The following RSRC1 variants were observed in gnomAD, a reference collection of about 807,000 sequenced individuals.
RSRC1 encodes the protein arginine and serine rich coiled-coil 1.
In RSRC1, 39 loss-of-function variants were observed where a neutral mutation model predicts 49.1. The ratio of observed to expected loss-of-function variants is 0.79; its 90% CI spans 0.61 to 1.04. RSRC1 has a LOEUF of 1.04. Among genes scored for constraint, RSRC1 ranks in the 50% least tolerant of loss-of-function variants. RSRC1 has a pLI of 0.00. For synonymous variants in RSRC1, 143 were observed against 130.8 expected (o/e 1.09, Z -0.63); for missense variants, 388 against 402.4 (o/e 0.96, Z 0.31).
At chr3:158,125,519 G>A (rs953948563) in intron 3 of RSRC1, among the ~76,000 whole-genome samples, 2 of 152,076 alleles carry the variant, frequency 1.3e-5, no homozygotes, top group African/African-American at 4.8e-5. Flanking sequence ...CTACATATTT[G>A]TGGATTTTCT....
intron 4 of RSRC1, among the ~76,000 whole-genome samples, chr3:158,220,150 A>G (rs698979): frequency 0.65 from 98,207 of 151,456 alleles, 32,148 homozygotes; most frequent in East Asian, 0.84. Context: ...TAAAACAGAT[A>G]ATGTATTAAG....
At chr3:158,180,845 C>A (rs993953345) in intron 3 of RSRC1, among the ~76,000 whole-genome samples, 1 of 141,186 alleles carries the variant, frequency 7.1e-6, no homozygotes, top group Non-Finnish European at 1.5e-5. Flanking sequence ...CGCGCTGTCA[C>A]CCGGGCTGGA....
chr3:158,354,124 G>C (rs1731032260), intron 5 of RSRC1, among the ~76,000 whole-genome samples: 1 of 149,866 alleles, frequency 6.7e-6, no homozygotes, highest in African/African-American at 2.5e-5. Flanking sequence ...CCAAGTAGCT[G>C]GGACTATAGG....
At chr3:158,344,269 A>T (rs140396360) in intron 5 of RSRC1, among the ~76,000 whole-genome samples, 24 of 152,278 alleles carry the variant, frequency 1.6e-4, no homozygotes, top group African/African-American at 5.8e-4. Context: ...AAAAAAATAA[A>T]AATAAAAAGA....
At chr3:158,223,397 G>A (rs1001589716) in intron 4 of RSRC1, among the ~76,000 whole-genome samples, 4 of 151,592 alleles carry the variant, frequency 2.6e-5, no homozygotes, top group African/African-American at 9.7e-5. Flanking sequence ...CAAAATCAAA[G>A]ATATTATGTA....
At chr3:158,249,557 A>AGT (rs1724091623) in intron 4 of RSRC1, among the ~76,000 whole-genome samples, 1 of 152,224 alleles carries the variant, frequency 6.6e-6, no homozygotes, top group Non-Finnish European at 1.5e-5. Context: ...TGACTATTAC[A>AGT]AAACCAGCTG....
rs1022942295 is a variant in RSRC1, at chr3:158,256,607, C to T, written c.495-41432C>T. ...CATAAAATGAGTTAGGGAGGATTCC[C>T]TCTTTTTCTATTGATTGGAATGGTT... On this transcript the variant is annotated intron_variant, in intron 4 of 9. Coordinates refer to ENST00000611884, the MANE Select transcript of RSRC1 (RefSeq NM_001271838.2). 4.6e-5 allele frequency among the ~76,000 whole-genome samples: 7 copies of T among 152,254 alleles called. No individual in the cohort carries two copies. In the East Asian group the frequency reaches 9.7e-4, roughly 21 times the overall value.
At chr3:158,186,643 T>C (rs948536145) in intron 3 of RSRC1, among the ~76,000 whole-genome samples, 3 of 151,932 alleles carry the variant, frequency 2.0e-5, no homozygotes, top group African/African-American at 7.2e-5. Context: ...TTTCACAGAA[T>C]TTTGGTAACA....
Position 158,289,737 on chromosome 3 carries a change from G to A in RSRC1, c.495-8302G>A, listed in dbSNP as rs573173577. On this transcript the variant is annotated intron_variant, in intron 4 of 9. Coordinates refer to ENST00000611884, the MANE Select transcript of RSRC1 (RefSeq NM_001271838.2). ...AACTGAGAATTTCAGGAAGATCTTT[G>A]TAGATCAGAGTACTGACATTAAGCA... Among the ~76,000 whole-genome samples, 3 of 152,306 alleles carry A rather than the reference G, an allele frequency of 2.0e-5. No individual in the cohort carries two copies. In the South Asian group the frequency reaches 6.2e-4, roughly 32 times the overall value.
intron 6 of RSRC1, among the ~76,000 whole-genome samples, chr3:158,369,810 T>C (rs1466142044): frequency 2.6e-5 from 4 of 152,074 alleles, no homozygotes; most frequent in Non-Finnish European, 5.9e-5. Flanking sequence ...CTAGAATATA[T>C]ATTTTTAGAG....
At chr3:158,280,561 G>GGCA (rs1213599432) in intron 4 of RSRC1, among the ~76,000 whole-genome samples, 1 of 150,988 alleles carries the variant, frequency 6.6e-6, no homozygotes, top group African/African-American at 2.4e-5. Context: ...TTATGTGTGT[G>GGCA]TGTGGTGGGG....
At chr3:158,510,815 A>G (rs1363757362) in intron 7 of RSRC1, among the ~76,000 whole-genome samples, 2 of 151,956 alleles carry the variant, frequency 1.3e-5, no homozygotes, top group Non-Finnish European at 2.9e-5. Flanking sequence ...CCCACACTTG[A>G]TTTTTCTTCT....
rs1305445312 is a variant in RSRC1 at position 158,426,813 on chromosome 3, G to A, written c.584-34122G>A. On this transcript the variant is annotated intron_variant, in intron 6 of 9. Coordinates refer to ENST00000611884, the MANE Select transcript of RSRC1 (RefSeq NM_001271838.2). ...GTTTAGATAATGTTCTAAAAAAATT[G>A]TGTTTAAAGAAGGGAGCCAAAAAGG... 2.0e-5 allele frequency among the ~76,000 whole-genome samples: 3 copies of A among 151,724 alleles called. No individual in the cohort carries two copies. The South Asian group carries it at 6.2e-4, about 31-fold the overall frequency.
At chr3:158,116,108 G>A (rs1459870185) in intron 1 of RSRC1, among the ~76,000 whole-genome samples, 5 of 152,108 alleles carry the variant, frequency 3.3e-5, no homozygotes, top group Non-Finnish European at 7.4e-5. Flanking sequence ...TAATGTCACC[G>A]ATGATCTCGG....
chr3:158,460,346 C>T (rs1010716449), intron 6 of RSRC1, among the ~76,000 whole-genome samples: 6 of 151,850 alleles, frequency 4.0e-5, no homozygotes, highest in African/African-American at 1.4e-4. Context: ...TCTTCCTCAA[C>T]ATCTGTAGTA....
At chr3:158,132,761 A>C (rs984203682) in intron 3 of RSRC1, among the ~76,000 whole-genome samples, 1 of 152,142 alleles carries the variant, frequency 6.6e-6, no homozygotes. Context: ...GCACTATTAA[A>C]TTTTACAGCT....
intron 9 of RSRC1, chr3:158,543,829 G>A (rs1713178872): frequency 3.5e-6 from 1 of 288,580 alleles, no homozygotes; most frequent in Non-Finnish European, 6.3e-6. Context: ...TTCCATTTCT[G>A]AGCTCTACTT....
chr3:158,288,319 C>A (rs1178772475), intron 4 of RSRC1, among the ~76,000 whole-genome samples: 1 of 152,154 alleles, frequency 6.6e-6, no homozygotes, highest in Non-Finnish European at 1.5e-5. Context: ...CACATCTGAT[C>A]ATTTTTCCTT....
chr3:158,260,808 A>G (rs1445749004), intron 4 of RSRC1, among the ~76,000 whole-genome samples: 2 of 152,136 alleles, frequency 1.3e-5, no homozygotes, highest in Non-Finnish European at 2.9e-5. Context: ...CCCTGGCTGA[A>G]TTCTATCCCA....
Sources: gnomAD v4.1 joint callset for allele counts (sites outside exome capture counted in the v4.1 genomes callset) on GRCh38, gnomAD v4.1.1 for gene constraint, MANE v1.5 for transcripts, NCBI Gene and HGNC (gene_info 2026-07-23, HGNC 2026-07-21) for gene names.